The following PRKAR1B variants were observed in gnomAD, a reference collection of about 807,000 sequenced individuals.
PRKAR1B encodes the protein protein kinase cAMP-dependent type I regulatory subunit beta.
PRKAR1B carries 22 observed loss-of-function variants against 46.5 expected under a neutral mutation model. The observed-to-expected ratio is 0.47, with a 90% CI of 0.34 to 0.68. The LOEUF is 0.68. Ranked by LOEUF, PRKAR1B falls within the 30% of genes least tolerant of loss-of-function variation. The pLI, the probability that PRKAR1B is intolerant of heterozygous loss-of-function variation, is 0.01. For synonymous variants in PRKAR1B, 259 were observed against 217.7 expected (o/e 1.19, Z -1.67); for missense variants, 445 against 535.6 (o/e 0.83, Z 1.67).
At chr7:636,351 C>CT (rs1170240760) in intron 4 of PRKAR1B, among the ~76,000 whole-genome samples, 364 of 26,296 alleles carry the variant, frequency 0.014, 32 homozygotes, top group Middle Eastern at 0.066. Context: ...CGCGCCCACA[C>CT]GTCCTCCACC....
At chr7:568,081 G>C (rs1041095383) in intron 9 of PRKAR1B, among the ~76,000 whole-genome samples, 14 of 152,174 alleles carry the variant, frequency 9.2e-5, no homozygotes, top group Non-Finnish European at 1.5e-5. Context: ...ATTTTTAAAA[G>C]GGCCTGGCCA....
chr7:647,072 A>C (rs1422872371), intron 4 of PRKAR1B, among the ~76,000 whole-genome samples: 1 of 152,122 alleles, frequency 6.6e-6, no homozygotes, highest in Non-Finnish European at 1.5e-5. Context: ...GGGACGCAAC[A>C]TGGCCGGCCA....
intron 9 of PRKAR1B, among the ~76,000 whole-genome samples, chr7:566,740 C>CTCCACCATCATT (rs1779202142): frequency 0.5 from 1 of 2 alleles, no homozygotes; most frequent in Non-Finnish European, 0.5. Context: ...TCATCATCAC[C>CTCCACCATCATT]ATCACCATCA....
In PRKAR1B at chr7:637,812, GA is replaced by G. The variant is rs1488713727; in HGVS notation, c.441-30361del. Among the ~76,000 whole-genome samples, 5 of 152,002 alleles carry G rather than the reference GA, an allele frequency of 3.3e-5. No homozygotes were observed. In the East Asian group the frequency reaches 9.6e-4, roughly 29 times the overall value. On this transcript the variant is annotated intron_variant, in intron 4 of 10. Transcript: ENST00000537384. ...CGCACCACTGCACTCCAGCCTGGGG[GA>G]CAAGAGAGAGACTCCATCTAAAAAA...
rs1172965633 is a variant in PRKAR1B, at chr7:714,584, T to C, written c.-22-3057A>G. 6.6e-6 allele frequency among the ~76,000 whole-genome samples: 1 copy of C among 152,226 alleles called. No individual in the cohort carries two copies. Among genetic ancestry groups the C allele is most frequent in the South Asian group, 2.1e-4 (1 of 4,828 alleles). On this transcript the variant is annotated intron_variant, in intron 1 of 10. Coordinates refer to ENST00000537384, the MANE Select transcript of PRKAR1B (RefSeq NM_001164760.2). This position sits in a 1 kb window ranked among gnomAD's most constrained non-coding sequence, Gnocchi z 4.3. ...CCCGCCACTCAGATCCCTGTTCCAG[T>C]GGCCCCCACCCCACACAAGGACTCC...
chr7:558,256 G>A (rs1051111332), intron 9 of PRKAR1B, among the ~76,000 whole-genome samples: 4 of 149,278 alleles, frequency 2.7e-5, no homozygotes, highest in African/African-American at 9.9e-5. Context: ...AGCCCAGGAG[G>A]TCGAGGCTGC....
chr7:657,461 C>T (rs1181211867), intron 4 of PRKAR1B, among the ~76,000 whole-genome samples: 1 of 152,170 alleles, frequency 6.6e-6, no homozygotes, highest in African/African-American at 2.4e-5. Flanking sequence ...CCTCTTCTCC[C>T]TCAATACCCC....
chr7:572,013 G>A (rs1252775010), intron 9 of PRKAR1B, among the ~76,000 whole-genome samples: 3 of 152,206 alleles, frequency 2.0e-5, no homozygotes, highest in Admixed American at 6.5e-5. Flanking sequence ...CCACAGGACC[G>A]AGGACTCTGT....
intron 4 of PRKAR1B, among the ~76,000 whole-genome samples, chr7:609,711 C>A (rs2128467073): frequency 6.6e-6 from 1 of 152,294 alleles, no homozygotes; most frequent in East Asian, 1.9e-4. Flanking sequence ...AATCTGGAAG[C>A]TTCTTTGCTC....
chr7:613,792 C>G (rs1388101477), intron 4 of PRKAR1B, among the ~76,000 whole-genome samples: 2 of 152,238 alleles, frequency 1.3e-5, no homozygotes, highest in African/African-American at 4.8e-5. Context: ...CTCCGGGCCT[C>G]CCGAGCCAAG....
In PRKAR1B at chr7:551,437, T is replaced by C. The variant is rs1465287512; in HGVS notation, c.925A>G (p.Asn309Asp). ...CGCCCCACCTCCACGTACTCCTCAT[T>C]GGGGGACCGGCGCTGCAGCACGGAC... Reference protein sequence around the residue: ...TASVLQRRSPNEEYVEVGRLG... With the variant: ...TASVLQRRSPDEEYVEVGRLG... The change falls in exon 10 of 11, where the codon AAT (asparagine) becomes GAT (aspartate). Residue 309 changes from asparagine to aspartate, a missense_variant. Coordinates refer to ENST00000537384, the MANE Select transcript of PRKAR1B (RefSeq NM_001164760.2). 1.9e-6 allele frequency: 3 copies of C among 1,560,230 alleles called. No individual in the cohort carries two copies. The highest frequency in any genetic ancestry group is 1.9e-5 in the Admixed American group (1 of 51,636).
intron 4 of PRKAR1B, among the ~76,000 whole-genome samples, chr7:628,370 C>A (rs1204189431): frequency 6.6e-6 from 1 of 152,184 alleles, no homozygotes; most frequent in Non-Finnish European, 1.5e-5. Flanking sequence ...ACAGCCAAGG[C>A]ATGCTTAGGT....
intron 2 of PRKAR1B, among the ~76,000 whole-genome samples, chr7:702,197 GTATAT>G (rs1294462316): frequency 1.3e-5 from 2 of 151,726 alleles, no homozygotes; most frequent in Non-Finnish European, 2.9e-5. Flanking sequence ...AGTTATGTAT[GTATAT>G]TATAATGCCT....
At chr7:599,627 G>A (rs989031707) in intron 6 of PRKAR1B, among the ~76,000 whole-genome samples, 4 of 152,338 alleles carry the variant, frequency 2.6e-5, no homozygotes, top group Admixed American at 6.5e-5. Flanking sequence ...GGTCCCCCGC[G>A]GGGCAGCATT....
intron 7 of PRKAR1B, among the ~76,000 whole-genome samples, chr7:595,635 C>T (rs1182588737): frequency 6.6e-6 from 1 of 152,228 alleles, no homozygotes; most frequent in African/African-American, 2.4e-5. Flanking sequence ...CCGCCGCCCA[C>T]AGCAAGCACA....
At chr7:675,710 G>A (rs1054710810) in intron 4 of PRKAR1B, among the ~76,000 whole-genome samples, 1 of 152,186 alleles carries the variant, frequency 6.6e-6, no homozygotes, top group Non-Finnish European at 1.5e-5. Flanking sequence ...CACTTTGGGA[G>A]GCCGAGGCAG....
Position 667,856 on chromosome 7 carries a change from C to A in PRKAR1B, c.440+9373G>T, listed in dbSNP as rs556470802. 7.2e-5 allele frequency among the ~76,000 whole-genome samples: 11 copies of A among 152,344 alleles called. No homozygotes were observed. Among genetic ancestry groups the A allele is most frequent in the Admixed American group, 4.6e-4 (7 of 15,302 alleles). On this transcript the variant is annotated intron_variant, in intron 4 of 10. Transcript: ENST00000537384. This position sits in a 1 kb window ranked among gnomAD's most constrained non-coding sequence, Gnocchi z 4.3. ...AAACCCTTCGATCAAGGCCAACTAG[C>A]AATACCACCATCCTAGAAGGACAGG... is the stretch of plus-strand genomic sequence containing the variant.
chr7:570,622 C>T (rs948446886), intron 9 of PRKAR1B, among the ~76,000 whole-genome samples: 12 of 152,140 alleles, frequency 7.9e-5, no homozygotes, highest in Admixed American at 6.5e-4. Flanking sequence ...CTGGTTTATT[C>T]GCCACGTGGC....
At position 573,028 on chromosome 7, in the gene PRKAR1B, G is replaced by A. The variant is rs78166282; in HGVS notation, c.891+6228C>T. Among the ~76,000 whole-genome samples the A allele has an allele frequency of 1.7e-4, 26 of 152,190 alleles. No homozygotes were observed. In the East Asian group the frequency reaches 4.7e-3, roughly 27 times the overall value. On this transcript the variant is annotated intron_variant, in intron 9 of 10. Transcript: ENST00000537384. The stretch of plus-strand genomic sequence containing the variant: ...CTGCCGAGAAGCCGCCCCACCGGCC[G>A]GGCCCCGCCGCACCTGTCTGATGCT...
Sources: gnomAD v4.1 joint callset for allele counts (sites outside exome capture counted in the v4.1 genomes callset) on GRCh38, gnomAD v4.1.1 for gene constraint, Gnocchi (gnomAD v3.1) non-coding constraint, MANE v1.5 for transcripts, NCBI Gene and HGNC (gene_info 2026-07-23, HGNC 2026-07-21) for gene names.